Variants in AVEN observed in about 807,000 individuals in gnomAD.
AVEN encodes apoptosis and caspase activation inhibitor, also known as cell death regulator Aven.
In AVEN, 41 loss-of-function variants were observed where a neutral mutation model predicts 38.1. That is an observed-to-expected ratio of 1.08 (90% confidence interval 0.84 to 1.40). AVEN has a LOEUF of 1.40. AVEN is among the 40% of genes most tolerant of loss of function. AVEN has a pLI of 0.00. For synonymous variants in AVEN, 206 were observed against 171.8 expected (o/e 1.20, Z -1.56); for missense variants, 605 against 438.8 (o/e 1.38, Z -3.38).
intron 2 of AVEN, among the ~76,000 whole-genome samples, chr15:33,915,698 G>A (rs1893110715): frequency 6.6e-6 from 1 of 152,196 alleles, no homozygotes; most frequent in East Asian, 1.9e-4. Context: ...AATCAGGAGT[G>A]CAGACACAGC....
chr15:34,063,389 C>A lies in AVEN; in HGVS notation n.1170G>T. The A allele has an allele frequency of 6.2e-7, 1 of 1,614,050 alleles. No homozygotes were observed. On this transcript the variant is annotated non_coding_transcript_exon_variant, in exon 5 of 12. Coordinates refer to the AVEN transcript ENST00000675287. This position sits in a 1 kb window ranked among gnomAD's most constrained non-coding sequence, Gnocchi z 4.1. ...TCTACCGGGAAACAGAGAAGCGAAC[C>A]AAGGACCTGGCTGACCTCCAGGGTT...
At chr15:34,016,592 A>G (rs1306040977) in intron 1 of AVEN, among the ~76,000 whole-genome samples, 5 of 152,180 alleles carry the variant, frequency 3.3e-5, no homozygotes, top group Non-Finnish European at 5.9e-5. Context: ...AATATTACCA[A>G]CAGGAGTTTT....
chr15:33,867,516 C>G lies in AVEN; in HGVS notation c.952G>C (p.Glu318Gln). 6.3e-7 allele frequency: 1 copy of G among 1,588,732 alleles called. No individual in the cohort carries two copies. The highest frequency in any genetic ancestry group is 8.6e-7 in the Non-Finnish European group (1 of 1,169,412). ...SQDLKSKEDG[E>Q]VVQEEEVCAK... ...ATACCTTCTTCCTCTTGGACCACCT[C>G]CCCATCTTCCTTGGATTTCAGGTCC... Residue 318 changes from glutamate (E) to glutamine (Q), a missense_variant, in exon 5 of 6, where the codon GAG (glutamate) becomes CAG (glutamine). Physicochemically the swap from Glu to Gln is conservative, Grantham distance 29. Coordinates refer to ENST00000306730, the MANE Select transcript of AVEN (RefSeq NM_020371.3).
At chr15:34,040,233 G>T (rs1001866633), upstream of AVEN, among the ~76,000 whole-genome samples, 1 of 152,114 alleles carries the variant, frequency 6.6e-6, no homozygotes, top group Non-Finnish European at 1.5e-5. Context: ...TAATCTAGTC[G>T]TGTGAATAGA....
At chr15:34,014,793 G>C (rs1247430148) in intron 1 of AVEN, among the ~76,000 whole-genome samples, 4 of 152,234 alleles carry the variant, frequency 2.6e-5, no homozygotes, top group African/African-American at 7.2e-5. Flanking sequence ...TGAAGGAGCT[G>C]AGAATGTGGC....
intron 4 of AVEN, chr15:34,065,510 A>G (rs1439345067): frequency 2.0e-5 from 3 of 152,204 alleles, no homozygotes; most frequent in Non-Finnish European, 4.4e-5. Context: ...TCAGGGCCTA[A>G]AAATGACTTC....
At position 34,063,458 on chromosome 15, in the gene AVEN, G is replaced by A. The variant is rs1900417158; in HGVS notation, n.1127-26C>T. The A allele has an allele frequency of 6.2e-7, 1 of 1,613,834 alleles. No homozygotes were observed. ...CTGAGAAGAGAAAGCCAGCTCATAG[G>A]GCTCTGTTCAGATCCTGCTTGCGCT... On this transcript the variant is annotated intron_variant and non_coding_transcript_variant, in intron 4 of 11. Transcript: ENST00000675287. This position sits in a 1 kb window ranked among gnomAD's most constrained non-coding sequence, Gnocchi z 4.1.
At chr15:33,875,031 A>G (rs769692145) in intron 3 of AVEN, among the ~76,000 whole-genome samples, 102 of 152,330 alleles carry the variant, frequency 6.7e-4, no homozygotes, top group Admixed American at 3.5e-3. Context: ...AGTGCCAGGC[A>G]GTCATTTTCT....
chr15:33,978,020 G>A (rs1044630203), intron 2 of AVEN, among the ~76,000 whole-genome samples: 2 of 150,856 alleles, frequency 1.3e-5, no homozygotes, highest in African/African-American at 2.4e-5. Context: ...GAGGGAGGGA[G>A]GGAGGGATGG....
chr15:33,955,359 C>T (rs768453), intron 2 of AVEN, among the ~76,000 whole-genome samples: 41,581 of 152,020 alleles, frequency 0.27, 7,610 homozygotes, highest in African/African-American at 0.52. Flanking sequence ...TTACATTCTT[C>T]TTTAGGAATG....
intron 2 of AVEN, among the ~76,000 whole-genome samples, chr15:33,882,042 A>T (rs1282936921): frequency 6.6e-6 from 1 of 152,210 alleles, no homozygotes; most frequent in Admixed American, 6.5e-5. Context: ...AGGAAGCTCA[A>T]AGGGAGTATA....
intron 1 of AVEN, among the ~76,000 whole-genome samples, chr15:34,026,753 C>T (rs1898490661): frequency 6.6e-6 from 1 of 152,114 alleles, no homozygotes; most frequent in African/African-American, 2.4e-5. Context: ...GATATGTGAT[C>T]AATTCCAAAT....
At chr15:33,883,627 AG>A (rs1156254942) in intron 2 of AVEN, 21 of 152,358 alleles carry the variant, frequency 1.4e-4, no homozygotes, top group Non-Finnish European at 2.5e-4. Context: ...ATTTATGCAT[AG>A]AAATTAGTCA....
chr15:33,885,742 G>A (rs541360101), intron 2 of AVEN: 4 of 152,248 alleles, frequency 2.6e-5, no homozygotes, highest in Non-Finnish European at 5.9e-5. Context: ...GGATTATGTT[G>A]AAGGAAATGC....
chr15:33,969,973 T>C (rs919120855), intron 2 of AVEN, among the ~76,000 whole-genome samples: 1 of 151,992 alleles, frequency 6.6e-6, no homozygotes, highest in Non-Finnish European at 1.5e-5. Context: ...CAAAACGTTA[T>C]CATTTAGCAG....
intron 2 of AVEN, among the ~76,000 whole-genome samples, chr15:33,876,342 C>G (rs755027035): frequency 6.6e-6 from 1 of 152,090 alleles, no homozygotes; most frequent in Non-Finnish European, 1.5e-5. Context: ...GAGGCTGAGG[C>G]GGGTGGATTA....
At chr15:34,012,447 C>T (rs1371212177) in intron 1 of AVEN, among the ~76,000 whole-genome samples, 1 of 152,154 alleles carries the variant, frequency 6.6e-6, no homozygotes, top group East Asian at 1.9e-4. Flanking sequence ...ACCATTGCCA[C>T]TGACCATTTA....
chr15:34,033,398 CA>C (rs965150609), intron 1 of AVEN, among the ~76,000 whole-genome samples: 4 of 151,502 alleles, frequency 2.6e-5, no homozygotes, highest in African/African-American at 9.7e-5. Flanking sequence ...CCCAGCTACT[CA>C]GGAGGCTGAG....
chr15:34,000,952 A>G (rs1383400139), intron 2 of AVEN, among the ~76,000 whole-genome samples: 1 of 152,180 alleles, frequency 6.6e-6, no homozygotes, highest in Non-Finnish European at 1.5e-5. Context: ...TTTTAATTAT[A>G]TATAAAATGC....
Sources: gnomAD v4.1 joint callset for allele counts (sites outside exome capture counted in the v4.1 genomes callset) on GRCh38, gnomAD v4.1.1 for gene constraint, Gnocchi (gnomAD v3.1) non-coding constraint, MANE v1.5 for transcripts, NCBI Gene and HGNC (gene_info 2026-07-23, HGNC 2026-07-21) for gene names.